PSD3: variants seen among roughly 807,000 people sequenced by gnomAD.
PSD3 encodes the protein PH and SEC7 domain-containing protein 3.
PSD3 carries 49 observed loss-of-function variants against 105.5 expected under a neutral mutation model. The ratio of observed to expected loss-of-function variants is 0.46; its 90% CI spans 0.37 to 0.59. The LOEUF is 0.59. PSD3 is among the 20% of genes least tolerant of loss of function. PSD3 has a pLI of 0.00. For synonymous variants in PSD3, 557 were observed against 457.8 expected, an observed-to-expected ratio of 1.22 and a Z score of -2.77; for missense variants, 1,561 against 1,263.8, an observed-to-expected ratio of 1.24 and a Z score of -3.57.
intron 1 of PSD3, among the ~76,000 whole-genome samples, chr8:19,048,763 AT>A (rs1828415259): frequency 6.6e-6 from 1 of 152,202 alleles, no homozygotes; most frequent in African/African-American, 2.4e-5. Context: ...AAGCTTCCTC[AT>A]TTTACATGGA....
chr8:18,961,369 C>G (rs182328106), intron 1 of PSD3, among the ~76,000 whole-genome samples: 1 of 152,144 alleles, frequency 6.6e-6, no homozygotes, highest in African/African-American at 2.4e-5. Flanking sequence ...ACAAGGAGGA[C>G]AAAAATAACA....
At chr8:18,901,042 G>A (rs1819470491) in intron 2 of PSD3, among the ~76,000 whole-genome samples, 2 of 152,122 alleles carry the variant, frequency 1.3e-5, no homozygotes, top group Non-Finnish European at 2.9e-5. Flanking sequence ...ACCATGTACA[G>A]TCTGGTGTAT....
chr8:18,973,811 T>C lies in PSD3; in HGVS notation c.22-37669A>G, dbSNP rs376562623. Among the ~76,000 whole-genome samples the C allele has an allele frequency of 3.3e-5, 5 of 152,372 alleles. No individual in the cohort carries two copies. The East Asian group carries it at 7.7e-4, about 23-fold the overall frequency. On this transcript the variant is annotated intron_variant, in intron 1 of 15. Coordinates refer to ENST00000327040, the MANE Select transcript of PSD3 (RefSeq NM_015310.4). ...AGCTTCTTTCATTCTGCTGTTATTA[T>C]TAAACTATAGAATATGAGTTACTAA...
chr8:18,705,534 C>CAAAAAAAAAAA (rs34331384), intron 9 of PSD3, among the ~76,000 whole-genome samples: 2 of 88,446 alleles, frequency 2.3e-5, no homozygotes, highest in African/African-American at 9.3e-5. Flanking sequence ...CTGTCTCAAG[C>CAAAAAAAAAAA]AAAAAAAAAA....
At chr8:19,008,824 T>G (rs1826822090) in intron 1 of PSD3, among the ~76,000 whole-genome samples, 1 of 152,192 alleles carries the variant, frequency 6.6e-6, no homozygotes. Flanking sequence ...CCTGGTCTTA[T>G]GAATGCCCTC....
At chr8:18,918,542 G>GA in intron 2 of PSD3, among the ~76,000 whole-genome samples, 1 of 152,268 alleles carries the variant, frequency 6.6e-6, no homozygotes, top group Non-Finnish European at 1.5e-5. Context: ...AATGCGTGTT[G>GA]AAAAAGTAAA....
intron 14 of PSD3, among the ~76,000 whole-genome samples, chr8:18,566,840 T>A (rs1212384096): frequency 6.6e-6 from 1 of 152,250 alleles, no homozygotes; most frequent in Non-Finnish European, 1.5e-5. Context: ...AAAACATTTT[T>A]AAAAATTATG....
chr8:18,819,077 C>T (rs543519777), intron 4 of PSD3, among the ~76,000 whole-genome samples: 1 of 145,352 alleles, frequency 6.9e-6, no homozygotes, highest in African/African-American at 2.5e-5. Flanking sequence ...CCCGGCAAGA[C>T]TACCTAACGA....
chr8:18,568,593 A>G (rs1801941327), intron 14 of PSD3, among the ~76,000 whole-genome samples: 1 of 152,150 alleles, frequency 6.6e-6, no homozygotes, highest in Non-Finnish European at 1.5e-5. Context: ...AAGGTCTCTC[A>G]AGCACTTTCA....
chr8:19,059,611 G>A (rs1273570147), intron 1 of PSD3, among the ~76,000 whole-genome samples: 1 of 152,168 alleles, frequency 6.6e-6, no homozygotes, highest in Non-Finnish European at 1.5e-5. Flanking sequence ...GGGAGATTAT[G>A]AGAACAAAAG....
chr8:18,834,521 T>C lies in PSD3; in HGVS notation c.1635-29623A>G, dbSNP rs1441853738. On this transcript the variant is annotated intron_variant, in intron 4 of 15. Coordinates refer to ENST00000327040, the MANE Select transcript of PSD3 (RefSeq NM_015310.4). ...AGGCCCCAAGAGCCTCAGCTCTCTATGCTGACCTCAGCTGACTGGAACAGG... is the reference window on the plus strand; with the variant it reads ...AGGCCCCAAGAGCCTCAGCTCTCTACGCTGACCTCAGCTGACTGGAACAGG... Among the ~76,000 whole-genome samples, 5 of 152,192 alleles carry C rather than the reference T, an allele frequency of 3.3e-5. No homozygotes were observed. The East Asian group carries it at 7.7e-4, about 23-fold the overall frequency.
intron 8 of PSD3, among the ~76,000 whole-genome samples, chr8:18,789,084 A>G (rs1217007861): frequency 2.0e-5 from 3 of 152,228 alleles, no homozygotes; most frequent in Non-Finnish European, 2.9e-5. Context: ...CACCTGTCCT[A>G]TAATATCCTG....
intron 9 of PSD3, among the ~76,000 whole-genome samples, chr8:18,681,991 G>A (rs1349552065): frequency 4.2e-5 from 6 of 142,832 alleles, no homozygotes; most frequent in East Asian, 2.0e-4. Context: ...CTCCTGCGGC[G>A]TTTGCAATAT....
At chr8:18,565,064 T>G (rs528755712) in intron 14 of PSD3, among the ~76,000 whole-genome samples, 1 of 151,936 alleles carries the variant, frequency 6.6e-6, no homozygotes, top group Non-Finnish European at 1.5e-5. Context: ...GTTCCTACAG[T>G]GTAGGGTTTA....
intron 1 of PSD3, among the ~76,000 whole-genome samples, chr8:19,039,963 A>T (rs1417535005): frequency 1.3e-5 from 2 of 152,208 alleles, no homozygotes; most frequent in African/African-American, 4.8e-5. Flanking sequence ...TTAAGGGTTT[A>T]TCAGTGACTT....
intron 9 of PSD3, among the ~76,000 whole-genome samples, chr8:18,752,477 T>C (rs552392296): frequency 1.6e-5 from 1 of 64,086 alleles, no homozygotes; most frequent in Admixed American, 2.9e-4. Flanking sequence ...CAAATATATA[T>C]ATTATTATAT....
At chr8:18,766,682 C>T (rs1456775057) in intron 8 of PSD3, among the ~76,000 whole-genome samples, 1 of 152,168 alleles carries the variant, frequency 6.6e-6, no homozygotes, top group Admixed American at 6.5e-5. Flanking sequence ...TAATAAAATG[C>T]TGGCAGAGGA....
intron 1 of PSD3, among the ~76,000 whole-genome samples, chr8:19,063,672 G>C (rs1490358370): frequency 6.6e-6 from 1 of 152,194 alleles, no homozygotes; most frequent in African/African-American, 2.4e-5. Context: ...TGGTTTCCAA[G>C]TTCATGTCCT....
chr8:18,620,795 AT>A (rs1201694326), intron 11 of PSD3, among the ~76,000 whole-genome samples: 2 of 152,244 alleles, frequency 1.3e-5, no homozygotes, highest in Admixed American at 6.5e-5. Flanking sequence ...ATACATTCTT[AT>A]CCCCATGATT....
Sources: allele counts gnomAD v4.1 joint callset (sites outside exome capture counted in the v4.1 genomes callset), GRCh38; gene constraint gnomAD v4.1.1; transcripts MANE v1.5; gene names NCBI Gene and HGNC (gene_info 2026-07-23, HGNC 2026-07-21).